Variants in TENM3 observed in about 807,000 individuals in gnomAD.
TENM3 encodes teneurin-3.
Under a neutral mutation model 255.1 loss-of-function variants are expected in TENM3, and 63 were observed. The ratio of observed to expected loss-of-function variants is 0.25; its 90% confidence interval spans 0.20 to 0.30. The LOEUF (loss-of-function observed/expected upper bound fraction) is 0.30, where lower values mean the gene tolerates loss of function less well. Ranked by LOEUF, TENM3 falls within the 10% of genes least tolerant of loss-of-function variation. TENM3 has a pLI of 1.00. For synonymous variants in TENM3, 1,306 were observed against 1,322.3 expected, an observed-to-expected ratio of 0.99 and a Z score of 0.27; for missense variants, 2,929 against 3,461.1, an observed-to-expected ratio of 0.85 and a Z score of 3.86.
chr4:181,570,212 A>T, the TENM3 span, among the ~76,000 whole-genome samples: 2 of 151,592 alleles, frequency 1.3e-5, no homozygotes, highest in Non-Finnish European at 2.9e-5. Context: ...CGCCCGGCTA[A>T]TTTTTTGTAT....
chr4:182,229,792 A>G (rs557898989), intron 1 of TENM3, among the ~76,000 whole-genome samples: 42 of 152,332 alleles, frequency 2.8e-4, no homozygotes, highest in South Asian at 1.0e-3. Flanking sequence ...AACATAAATC[A>G]TAATAAGAGT....
chr4:181,891,984 C>T, the TENM3 span, among the ~76,000 whole-genome samples: 15 of 152,148 alleles, frequency 9.9e-5, no homozygotes, highest in Admixed American at 8.5e-4. Context: ...CCTTCTTACC[C>T]TTTGACGTTC....
chr4:181,624,168 C>T, the TENM3 span, among the ~76,000 whole-genome samples: 3 of 152,102 alleles, frequency 2.0e-5, no homozygotes, highest in African/African-American at 7.2e-5. Flanking sequence ...CAAGAGACAC[C>T]CCAAACCCTC....
In TENM3 at chr4:182,729,330, T is replaced by A. The variant is rs993132508; in HGVS notation, c.2585+149T>A. The A allele has an allele frequency of 7.1e-6, 5 of 705,610 alleles. No individual in the cohort carries two copies. The Admixed American group carries it at 1.4e-4, about 20-fold the overall frequency. The allele number at this position is 705,610 out of a possible 1,614,324, so 43.7% of individuals were successfully genotyped here. ...TTTCTGCAGATTCTTCACCAAACTT[T>A]GTATTTCAAGCATTTTTGACACAGT... is the stretch of plus-strand genomic sequence containing the variant. On this transcript the variant is annotated intron_variant, in intron 14 of 27. Transcript: ENST00000511685.
the TENM3 span, among the ~76,000 whole-genome samples, chr4:181,566,724 C>A: frequency 6.6e-6 from 1 of 152,188 alleles, no homozygotes; most frequent in Admixed American, 6.5e-5. Flanking sequence ...GGCTCTCCAG[C>A]CGTGTGTTCA....
chr4:181,502,355 G>A, the TENM3 span, among the ~76,000 whole-genome samples: 2 of 152,308 alleles, frequency 1.3e-5, no homozygotes, highest in Non-Finnish European at 2.9e-5. Context: ...GATGCTGTGG[G>A]TGGTGGAGAG....
At chr4:182,009,905 C>T in the TENM3 span, among the ~76,000 whole-genome samples, 88 of 151,354 alleles carry the variant, frequency 5.8e-4, no homozygotes, top group African/African-American at 2.0e-3. Flanking sequence ...TCCCCAGCTG[C>T]GTAGAGTGCC....
At chr4:181,608,531 T>C in the TENM3 span, among the ~76,000 whole-genome samples, 3 of 152,188 alleles carry the variant, frequency 2.0e-5, no homozygotes, top group Non-Finnish European at 4.4e-5. Flanking sequence ...CAGAAGTTAT[T>C]GAGAACTAAT....
At chr4:181,785,065 A>C in the TENM3 span, among the ~76,000 whole-genome samples, 1 of 152,158 alleles carries the variant, frequency 6.6e-6, no homozygotes, top group Non-Finnish European at 1.5e-5. Context: ...CTAAGTGCTG[A>C]GTGACAAGAG....
chr4:182,067,524 G>A, the TENM3 span, among the ~76,000 whole-genome samples: 1 of 152,152 alleles, frequency 6.6e-6, no homozygotes, highest in Non-Finnish European at 1.5e-5. Flanking sequence ...GAGGCTTTGG[G>A]AGACACAACC....
intron 1 of TENM3, among the ~76,000 whole-genome samples, chr4:182,188,199 A>T (rs1462532150): frequency 2.0e-5 from 3 of 152,188 alleles, no homozygotes; most frequent in Non-Finnish European, 1.5e-5. Context: ...TTTGGTAAAT[A>T]AAATGAGTGC....
At chr4:181,919,154 G>A in the TENM3 span, among the ~76,000 whole-genome samples, 1 of 152,152 alleles carries the variant, frequency 6.6e-6, no homozygotes, top group Admixed American at 6.6e-5. Context: ...CCAGGCAGGG[G>A]AGTGTTTCCT....
chr4:181,491,042 T>G, the TENM3 span, among the ~76,000 whole-genome samples: 1 of 152,136 alleles, frequency 6.6e-6, no homozygotes, highest in East Asian at 1.9e-4. Flanking sequence ...TAATTTTGAC[T>G]CTGTTTGTAA....
chr4:181,662,556 C>A, the TENM3 span, among the ~76,000 whole-genome samples: 2 of 152,268 alleles, frequency 1.3e-5, no homozygotes, highest in South Asian at 4.1e-4. Flanking sequence ...TTCCTGACCT[C>A]GGCCTGGGCA....
In TENM3 at chr4:182,551,089, G is replaced by A. The variant is rs1177305328; in HGVS notation, c.512-49835G>A. On this transcript the variant is annotated intron_variant, in intron 3 of 27. Coordinates refer to ENST00000511685, the MANE Select transcript of TENM3 (RefSeq NM_001080477.4). ...ATACAAAAATTAGCTGGGCATGGTGGTGCCTGCCTGTAATCCTAGCTACTC... is the reference window on the plus strand; with the variant it reads ...ATACAAAAATTAGCTGGGCATGGTGATGCCTGCCTGTAATCCTAGCTACTC... Among the ~76,000 whole-genome samples, 5 of 152,068 alleles carry A rather than the reference G, an allele frequency of 3.3e-5. No individual in the cohort carries two copies. The East Asian group carries it at 9.7e-4, about 29-fold the overall frequency.
At chr4:182,027,142 T>C in the TENM3 span, among the ~76,000 whole-genome samples, 70 of 152,176 alleles carry the variant, frequency 4.6e-4, no homozygotes, top group African/African-American at 1.7e-3. Context: ...CAGTTTATAG[T>C]TTTCATTATA....
chr4:182,280,705 T>C (rs1458405146), intron 1 of TENM3, among the ~76,000 whole-genome samples: 1 of 152,178 alleles, frequency 6.6e-6, no homozygotes, highest in African/African-American at 2.4e-5. Context: ...TGATTACATC[T>C]GTGCCACAAA....
At chr4:181,481,991 T>C in the TENM3 span, among the ~76,000 whole-genome samples, 1 of 152,170 alleles carries the variant, frequency 6.6e-6, no homozygotes, top group Admixed American at 6.6e-5. Flanking sequence ...TCAGAGCTAC[T>C]TCAATAGAAA....
chr4:181,959,749 T>C, the TENM3 span, among the ~76,000 whole-genome samples: 3 of 152,212 alleles, frequency 2.0e-5, no homozygotes, highest in African/African-American at 7.2e-5. Context: ...ATTTAAAATA[T>C]TCCAAATAGA....
Sources: allele counts gnomAD v4.1 joint callset (sites outside exome capture counted in the v4.1 genomes callset), GRCh38; gene constraint gnomAD v4.1.1; transcripts MANE v1.5; gene names NCBI Gene and HGNC (gene_info 2026-07-23, HGNC 2026-07-21).